The following LEPR variants were observed in gnomAD, a reference collection of about 807,000 sequenced individuals.
The protein encoded by LEPR is leptin receptor, also known as OB receptor.
Under a neutral mutation model 114.7 loss-of-function variants are expected in LEPR, and 56 were observed. The ratio of observed to expected loss-of-function variants is 0.49; its 90% CI spans 0.39 to 0.61. The LOEUF (loss-of-function observed/expected upper bound fraction) is 0.61, where lower values mean the gene tolerates loss of function less well. LEPR is among the 20% of genes least tolerant of loss of function. The pLI, the probability that LEPR is intolerant of heterozygous loss-of-function variation, is 0.00. For missense variants in LEPR, 1,202 were observed against 1,352.9 expected (o/e 0.89, Z 1.75); for synonymous variants, 443 against 461.4 (o/e 0.96, Z 0.51).
intron 2 of LEPR, among the ~76,000 whole-genome samples, chr1:65,500,476 G>A (rs1304421715): frequency 6.6e-6 from 1 of 152,116 alleles, no homozygotes; most frequent in Admixed American, 6.6e-5. Flanking sequence ...GTCACCCTGA[G>A]AGGGTAAGAT....
At chr1:65,486,881 T>C (rs1230272117) in intron 2 of LEPR, among the ~76,000 whole-genome samples, 1 of 152,192 alleles carries the variant, frequency 6.6e-6, no homozygotes, top group Non-Finnish European at 1.5e-5. Context: ...TCAGCTGTTC[T>C]TCATTTCTTT....
intron 2 of LEPR, among the ~76,000 whole-genome samples, chr1:65,456,002 C>T (rs1482817243): frequency 6.6e-6 from 1 of 152,158 alleles, no homozygotes; most frequent in Non-Finnish European, 1.5e-5. Context: ...TTTTTTAAGC[C>T]CGTCGGAAAA....
At chr1:65,444,585 CG>C (rs1447311419) in intron 2 of LEPR, among the ~76,000 whole-genome samples, 1 of 28,270 alleles carries the variant, frequency 3.5e-5, no homozygotes, top group South Asian at 9.7e-4. Context: ...TGGAGGCGGG[CG>C]GGGGGTGGGG....
At position 65,590,468 on chromosome 1, in the gene LEPR, C is replaced by T. The variant is rs76382531; in HGVS notation, c.495-2189C>T. Among the ~76,000 whole-genome samples the T allele has an allele frequency of 4.9e-3, 744 of 151,324 alleles. 5 individuals carry two copies. Among genetic ancestry groups the T allele is most frequent in the African/African-American group, 0.017 (721 of 41,230 alleles). ...GAGGTAATCATGGGGGTGGTTACCT[C>T]CATGCTGTTCTTCACTATTATGGCG... On this transcript the variant is annotated intron_variant, in intron 5 of 19. Coordinates refer to ENST00000349533, the MANE Select transcript of LEPR (RefSeq NM_002303.6).
intron 2 of LEPR, among the ~76,000 whole-genome samples, chr1:65,515,332 G>C (rs1649233471): frequency 6.6e-6 from 1 of 152,204 alleles, no homozygotes; most frequent in African/African-American, 2.4e-5. Flanking sequence ...GCAGTGCAGA[G>C]ACACAGATGC....
intron 2 of LEPR, among the ~76,000 whole-genome samples, chr1:65,486,214 A>G (rs11590603): frequency 0.33 from 49,615 of 152,008 alleles, 10,341 homozygotes; most frequent in Non-Finnish European, 0.47. Flanking sequence ...TATATATTTT[A>G]TTCATGAAAA....
At chr1:65,456,075 C>G (rs1259220407) in intron 2 of LEPR, among the ~76,000 whole-genome samples, 1 of 152,168 alleles carries the variant, frequency 6.6e-6, no homozygotes, top group Non-Finnish European at 1.5e-5. Context: ...CTTTCTTTGA[C>G]TAGGAAAGGA....
At chr1:65,452,493 T>G (rs1229018463) in intron 2 of LEPR, among the ~76,000 whole-genome samples, 2 of 152,102 alleles carry the variant, frequency 1.3e-5, no homozygotes, top group Non-Finnish European at 2.9e-5. Context: ...CATGAAGGGT[T>G]GTTGAATTTT....
At chr1:65,488,198 TTCTTTCTTTCTTTC>T (rs1488904000) in intron 2 of LEPR, among the ~76,000 whole-genome samples, 136 of 24,594 alleles carry the variant, frequency 5.5e-3, no homozygotes, top group African/African-American at 8.0e-3. Context: ...CTTTCTTTCT[TTCTTTCTTTCTTTC>T]TCTCTCTCTC....
chr1:65,550,536 C>A (rs1405457916), intron 2 of LEPR, among the ~76,000 whole-genome samples: 5 of 152,216 alleles, frequency 3.3e-5, no homozygotes, highest in Non-Finnish European at 5.9e-5. Context: ...GCCCCTGCCC[C>A]AGCCTCGCTG....
At chr1:65,426,445 G>A (rs1646371881) in intron 2 of LEPR, among the ~76,000 whole-genome samples, 1 of 151,966 alleles carries the variant, frequency 6.6e-6, no homozygotes, top group African/African-American at 2.4e-5. Flanking sequence ...TGGAGGAGGG[G>A]GTTATGTTAA....
chr1:65,617,987 G>A lies in LEPR; in HGVS notation c.2236G>A (p.Ala746Thr). 2 of 1,612,412 alleles carry A rather than the reference G, an allele frequency of 1.2e-6. No homozygotes were observed. The highest frequency in any genetic ancestry group is 1.7e-6 in the Non-Finnish European group (2 of 1,179,366). The change falls in exon 16 of 20, where the codon GCT becomes ACT. Residue 746 changes from alanine (A) to threonine (T), a missense_variant. Ala to Thr is a moderately conservative substitution (Grantham distance 58, BLOSUM62 0). Coordinates refer to ENST00000349533, the MANE Select transcript of LEPR (RefSeq NM_002303.6). Reference protein sequence around the residue: ...SKVNIVQSLSAYPLNSSCVIV... With the variant: ...SKVNIVQSLSTYPLNSSCVIV... Reference sequence around the variant, plus strand: ...AGTAAATATCGTGCAGTCACTCAGTGCTTATCCTTTAAACAGCAGTTGTGT... The same window carrying A: ...AGTAAATATCGTGCAGTCACTCAGTACTTATCCTTTAAACAGCAGTTGTGT...
intron 2 of LEPR, among the ~76,000 whole-genome samples, chr1:65,504,048 G>A (rs1419504097): frequency 1.3e-5 from 2 of 152,128 alleles, no homozygotes; most frequent in Non-Finnish European, 2.9e-5. Flanking sequence ...ATCAAAGGGA[G>A]ACTAGAGCCA....
intron 2 of LEPR, among the ~76,000 whole-genome samples, chr1:65,529,033 T>G (rs1049815621): frequency 4.6e-5 from 7 of 151,616 alleles, no homozygotes; most frequent in African/African-American, 1.7e-4. Context: ...CAGGATGGTC[T>G]CAATCTCCTG....
intron 12 of LEPR, among the ~76,000 whole-genome samples, chr1:65,609,296 T>C (rs183450075): frequency 2.1e-4 from 32 of 152,348 alleles, no homozygotes; most frequent in South Asian, 6.2e-4. Context: ...CAAACTAATT[T>C]TTCCAAGGAA....
intron 19 of LEPR, among the ~76,000 whole-genome samples, chr1:65,627,336 CA>C: frequency 6.6e-6 from 1 of 152,068 alleles, no homozygotes; most frequent in Non-Finnish European, 1.5e-5. Flanking sequence ...GGCATTTCTC[CA>C]AAGAAGATAC....
chr1:65,496,045 A>G (rs950620167), intron 2 of LEPR, among the ~76,000 whole-genome samples: 1 of 152,202 alleles, frequency 6.6e-6, no homozygotes, highest in African/African-American at 2.4e-5. Flanking sequence ...CAGTTAGAAG[A>G]GAGAATTTTG....
intron 2 of LEPR, among the ~76,000 whole-genome samples, chr1:65,437,425 TG>T (rs1394366115): frequency 6.6e-6 from 1 of 152,104 alleles, no homozygotes; most frequent in East Asian, 1.9e-4. Context: ...TTCAATGGAA[TG>T]TTTTTCAGAC....
chr1:65,626,758 C>T (rs548235467), intron 19 of LEPR, among the ~76,000 whole-genome samples: 135 of 152,202 alleles, frequency 8.9e-4, no homozygotes, highest in African/African-American at 3.2e-3. Flanking sequence ...ATCCTCCCAC[C>T]TCATCCCCTT....
Sources: gnomAD v4.1 joint callset for allele counts (sites outside exome capture counted in the v4.1 genomes callset) on GRCh38, gnomAD v4.1.1 for gene constraint, MANE v1.5 for transcripts, NCBI Gene and HGNC (gene_info 2026-07-23, HGNC 2026-07-21) for gene names.